RBFOX1: variants seen among roughly 807,000 people sequenced by gnomAD.
RBFOX1 encodes the protein RNA binding protein fox-1 homolog 1.
Under a neutral mutation model 57.7 loss-of-function variants are expected in RBFOX1, and 8 were observed. The observed-to-expected ratio is 0.14, with a 90% CI of 0.08 to 0.25. The LOEUF is 0.25. Ranked by LOEUF, RBFOX1 falls within the 10% of genes least tolerant of loss-of-function variation. The pLI, the probability that RBFOX1 is intolerant of heterozygous loss-of-function variation, is 1.00. For synonymous variants in RBFOX1, 326 were observed against 222.4 expected (o/e 1.47, Z -4.15); for missense variants, 611 against 548.5 (o/e 1.11, Z -1.14).
intron 1 of RBFOX1, among the ~76,000 whole-genome samples, chr16:5,440,274 T>G (rs1212769289): frequency 6.6e-6 from 1 of 152,226 alleles, no homozygotes; most frequent in Non-Finnish European, 1.5e-5. Flanking sequence ...GTACAAAATC[T>G]CCTTCCAATT....
intron 1 of RBFOX1, among the ~76,000 whole-genome samples, chr16:6,043,247 G>A (rs564916615): frequency 1.9e-4 from 29 of 149,960 alleles, no homozygotes; most frequent in Non-Finnish European, 2.2e-4. Context: ...GATGGTAGAT[G>A]TCTTGTTTTC....
At chr16:6,694,695 C>G (rs542488606) in intron 3 of RBFOX1, among the ~76,000 whole-genome samples, 3 of 152,258 alleles carry the variant, frequency 2.0e-5, no homozygotes, top group South Asian at 4.1e-4. Context: ...CCAGGAGCCA[C>G]CAGCTCTATC....
At chr16:6,232,438 C>G (rs934922469) in intron 1 of RBFOX1, among the ~76,000 whole-genome samples, 1 of 152,062 alleles carries the variant, frequency 6.6e-6, no homozygotes, top group Non-Finnish European at 1.5e-5. Context: ...GCATTTTTTT[C>G]CTAACATGAC....
intron 5 of RBFOX1, among the ~76,000 whole-genome samples, chr16:7,561,877 TAGG>T (rs2090452405): frequency 1.3e-5 from 2 of 152,100 alleles, no homozygotes; most frequent in African/African-American, 4.8e-5. Flanking sequence ...CATAATATAT[TAGG>T]GGGGAAATCT....
intron 1 of RBFOX1, among the ~76,000 whole-genome samples, chr16:5,344,883 C>G (rs1451474977): frequency 6.6e-6 from 1 of 152,192 alleles, no homozygotes; most frequent in Non-Finnish European, 1.5e-5. Context: ...ATGTTGATAT[C>G]AATAACTCCA....
intron 4 of RBFOX1, among the ~76,000 whole-genome samples, chr16:7,098,885 C>T (rs1311843532): frequency 1.3e-5 from 2 of 152,042 alleles, no homozygotes; most frequent in Admixed American, 6.6e-5. Flanking sequence ...TTTGCAGTAA[C>T]CCTCAGTTTC....
At chr16:5,852,079 T>C (rs1285101602) in intron 3 of RBFOX1, among the ~76,000 whole-genome samples, 1 of 151,920 alleles carries the variant, frequency 6.6e-6, no homozygotes, top group Non-Finnish European at 1.5e-5. Flanking sequence ...ATGTTAAAAG[T>C]ACTGAGAACA....
At chr16:5,761,915 G>A (rs1280222808) in intron 3 of RBFOX1, among the ~76,000 whole-genome samples, 3 of 152,082 alleles carry the variant, frequency 2.0e-5, no homozygotes, top group Admixed American at 6.5e-5. Context: ...CCTATCAAAG[G>A]AAGTTTCAAC....
chr16:6,297,743 C>G (rs754094352), intron 1 of RBFOX1, among the ~76,000 whole-genome samples: 2 of 151,950 alleles, frequency 1.3e-5, no homozygotes, highest in African/African-American at 2.4e-5. Flanking sequence ...AACAGAAGGG[C>G]AGAAGAATGG....
chr16:6,053,271 C>A (rs1188405903), intron 1 of RBFOX1, among the ~76,000 whole-genome samples: 4 of 152,150 alleles, frequency 2.6e-5, no homozygotes, highest in African/African-American at 9.7e-5. Context: ...ATAATATTGT[C>A]TGGTACCAAA....
intron 3 of RBFOX1, among the ~76,000 whole-genome samples, chr16:6,852,922 G>C (rs1329564104): frequency 6.6e-6 from 1 of 152,222 alleles, no homozygotes; most frequent in East Asian, 1.9e-4. Context: ...GGAACTAGCT[G>C]TCCATGCAAG....
intron 4 of RBFOX1, among the ~76,000 whole-genome samples, chr16:5,971,834 G>A (rs1438675482): frequency 6.6e-6 from 1 of 152,148 alleles, no homozygotes; most frequent in African/African-American, 2.4e-5. Context: ...CTTCTATGAG[G>A]GTGTTTTGGA....
intron 3 of RBFOX1, among the ~76,000 whole-genome samples, chr16:6,944,935 C>T (rs536130505): frequency 7.4e-4 from 113 of 152,228 alleles, no homozygotes; most frequent in African/African-American, 2.7e-3. Context: ...AGGATGAAGA[C>T]AGTCTGAAAA....
chr16:5,462,801 A>G (rs1321481969), intron 1 of RBFOX1, among the ~76,000 whole-genome samples: 2 of 152,016 alleles, frequency 1.3e-5, no homozygotes, highest in Non-Finnish European at 2.9e-5. Flanking sequence ...TTATAATTGG[A>G]GGAGGCGATG....
At chr16:7,310,699 C>T (rs1237465660) in intron 4 of RBFOX1, among the ~76,000 whole-genome samples, 1 of 152,142 alleles carries the variant, frequency 6.6e-6, no homozygotes, top group East Asian at 1.9e-4. Context: ...TTGCCCAAAC[C>T]AAATAAAACA....
At chr16:6,781,310 A>G (rs1023831612) in intron 3 of RBFOX1, among the ~76,000 whole-genome samples, 2 of 152,070 alleles carry the variant, frequency 1.3e-5, no homozygotes, top group Non-Finnish European at 2.9e-5. Flanking sequence ...TCTTTTTAAT[A>G]TGTTGAATTT....
chr16:6,189,307 A>T (rs2097127268), intron 1 of RBFOX1, among the ~76,000 whole-genome samples: 1 of 152,234 alleles, frequency 6.6e-6, no homozygotes, highest in African/African-American at 2.4e-5. Context: ...TGGAGTCCGC[A>T]TCAGGACACT....
At chr16:5,282,376 G>C (rs972152037) in intron 1 of RBFOX1, among the ~76,000 whole-genome samples, 3 of 152,232 alleles carry the variant, frequency 2.0e-5, no homozygotes, top group African/African-American at 7.2e-5. Flanking sequence ...GTTGCTAAAA[G>C]ATACCTGAAT....
At chr16:5,726,980 C>A (rs968057470) in intron 3 of RBFOX1, among the ~76,000 whole-genome samples, 1 of 152,092 alleles carries the variant, frequency 6.6e-6, no homozygotes, top group African/African-American at 2.4e-5. Flanking sequence ...ATGTGAAGGC[C>A]GGGCATGGTG....
Sources: allele counts gnomAD v4.1 joint callset (sites outside exome capture counted in the v4.1 genomes callset), GRCh38; gene constraint gnomAD v4.1.1; transcripts MANE v1.5; gene names NCBI Gene and HGNC (gene_info 2026-07-23, HGNC 2026-07-21).